The following ERMARD variants were observed in gnomAD, a reference collection of about 807,000 sequenced individuals.
ERMARD encodes the protein endoplasmic reticulum membrane-associated RNA degradation protein.
A neutral mutation model predicts 83.9 loss-of-function variants in ERMARD; 71 were observed. The ratio of observed to expected loss-of-function variants is 0.85; its 90% CI spans 0.70 to 1.03. The LOEUF (loss-of-function observed/expected upper bound fraction) is 1.03, where lower values mean the gene tolerates loss of function less well. Among genes scored for constraint, ERMARD ranks in the 50% least tolerant of loss-of-function variants. The pLI is 0.00. For synonymous variants in ERMARD, 284 were observed against 298.6 expected, an observed-to-expected ratio of 0.95 and a Z score of 0.50; for missense variants, 838 against 810.9, an observed-to-expected ratio of 1.03 and a Z score of -0.41.
At chr6:169,760,445 T>C (rs771883985) in intron 7 of ERMARD, among the ~76,000 whole-genome samples, 197 bp from the exon 8 acceptor site, 2 of 152,168 alleles carry the variant, frequency 1.3e-5, no homozygotes, top group Non-Finnish European at 2.9e-5. Context: ...GAGATGTCCA[T>C]GCCCCACTTT....
In ERMARD at chr6:169,776,612, C is replaced by G. The variant is rs1793630343; in HGVS notation, c.1678C>G (p.Gln560Glu). Residue 560 changes from glutamine (Q) to glutamate (E), a missense_variant, in exon 16 of 18, where the codon CAG becomes GAG. Transcript: ENST00000366773. ...CGTTGCCTCAGAGCTGAGACACAGGCAGTGGGTGGAAAGGACGCTGCGGTC... is the reference window on the plus strand; with the variant it reads ...CGTTGCCTCAGAGCTGAGACACAGGGAGTGGGTGGAAAGGACGCTGCGGTC... Reference protein sequence around the residue: ...VTVASELRHRQWVERTLRSRQ... With the variant: ...VTVASELRHREWVERTLRSRQ... 1 of 1,614,090 alleles carries G rather than the reference C, an allele frequency of 6.2e-7. No homozygotes were observed. Among genetic ancestry groups the G allele is most frequent in the Non-Finnish European group, 8.5e-7 (1 of 1,180,056 alleles).
rs1790852600 is a variant in ERMARD, at chr6:169,756,646, G to C, written c.418-73G>C. On this transcript the variant is annotated intron_variant, in intron 4 of 17. Coordinates refer to ENST00000366773, the MANE Select transcript of ERMARD (RefSeq NM_018341.3). ...TCACCCTTCATTTGTACAAACAGTT[G>C]CTTCATGGATAATGTTTTTAATGTT... 7 of 1,318,252 alleles carry C rather than the reference G, an allele frequency of 5.3e-6. No individual in the cohort carries two copies. The South Asian group carries it at 8.4e-5, about 16-fold the overall frequency. The allele number at this position is 1,318,252 out of a possible 1,614,324, so 81.7% of individuals were successfully genotyped here.
At chr6:169,756,283 G>T (rs1234158906) in intron 3 of ERMARD, 55 bp from the exon 4 acceptor site, 3 of 1,072,680 alleles carry the variant, frequency 2.8e-6, no homozygotes, top group East Asian at 2.6e-5. Context: ...TAATATTGTT[G>T]CTTTGAGAAG....
chr6:169,763,756 C>A (rs895184218), intron 9 of ERMARD, among the ~76,000 whole-genome samples: 1 of 152,330 alleles, frequency 6.6e-6, no homozygotes, highest in Non-Finnish European at 1.5e-5. Context: ...GGGGGAACAA[C>A]AATTAGAAAA....
intron 12 of ERMARD, among the ~76,000 whole-genome samples, 169 bp downstream of exon 12, chr6:169,769,882 A>G (rs1363637527): frequency 6.6e-6 from 1 of 152,250 alleles, no homozygotes; most frequent in African/African-American, 2.4e-5. Flanking sequence ...TATATTCTCT[A>G]TCACAGATCA....
intron 5 of ERMARD, among the ~76,000 whole-genome samples, chr6:169,757,161 A>C (rs1790918579): frequency 6.6e-6 from 1 of 152,178 alleles, no homozygotes; most frequent in Admixed American, 6.5e-5. Flanking sequence ...TCAAGTTGAG[A>C]TTTGGGTGGG....
intron 13 of ERMARD, among the ~76,000 whole-genome samples, chr6:169,773,783 T>C (rs1049430867): frequency 2.0e-5 from 3 of 152,222 alleles, no homozygotes; most frequent in African/African-American, 7.2e-5. Flanking sequence ...ACGGACTAGC[T>C]TTTGTTAACT....
chr6:169,755,564 GGCTATTAT>G, intron 3 of ERMARD, 142 bp downstream of exon 3: 1 of 1,009,034 alleles, frequency 9.9e-7, no homozygotes, highest in East Asian at 2.6e-5. Context: ...GAGAACCCTG[GGCTATTAT>G]GCAGGGTCTC....
At position 169,753,863 on chromosome 6, in the gene ERMARD, G is replaced by T; in HGVS notation, c.7-1G>T. 17 of 1,511,936 alleles carry T rather than the reference G, an allele frequency of 1.1e-5. No individual in the cohort carries two copies. Among genetic ancestry groups the T allele is most frequent in the Middle Eastern group, 1.8e-4 (1 of 5,450 alleles). 93.7% of individuals were successfully genotyped at this position (1,511,936 alleles called of 1,614,324 possible). Reference sequence around the variant, plus strand: ...GCCTTTTATTTTATTTTATTTTTTAGGTATTAATAGGGGACCCTATTACCA... The same window carrying T: ...GCCTTTTATTTTATTTTATTTTTTATGTATTAATAGGGGACCCTATTACCA... On this transcript the variant is annotated splice_acceptor_variant, in intron 1 of 17. Coordinates refer to ENST00000366773, the MANE Select transcript of ERMARD (RefSeq NM_018341.3). LOFTEE classifies it high-confidence loss of function.
Position 169,769,578 on chromosome 6 carries a change from C to T in ERMARD, c.1098C>T (p.Pro366=). Reference sequence around the variant, plus strand: ...ATTTCCTGAACCATCAGGAGGGTCCCCGCATAAGAGATCATTTAAGCCACG... The same window carrying T: ...ATTTCCTGAACCATCAGGAGGGTCCTCGCATAAGAGATCATTTAAGCCACG... The part of the protein sequence containing the change: ...LWDFLNHQEG[P]RIRDHLSHGE... Residue 366 remains proline, a synonymous_variant, in exon 12 of 18, where the codon CCC becomes CCT. Coordinates refer to ENST00000366773, the MANE Select transcript of ERMARD (RefSeq NM_018341.3). 2 of 1,611,784 alleles carry T rather than the reference C, an allele frequency of 1.2e-6. No homozygotes were observed. The highest frequency in any genetic ancestry group is 1.1e-5 in the South Asian group (1 of 90,258).
At chr6:169,761,406 G>A (rs1163183938) in intron 8 of ERMARD, among the ~76,000 whole-genome samples, 1 of 151,994 alleles carries the variant, frequency 6.6e-6, no homozygotes, top group Non-Finnish European at 1.5e-5. Context: ...TTCTAGAGAT[G>A]AGGTCTCAGT....
intron 12 of ERMARD, chr6:169,771,148 A>T (rs887939891): frequency 1.7e-4 from 25 of 148,146 alleles, no homozygotes; most frequent in African/African-American, 6.3e-4. Flanking sequence ...CAGTGGCGTG[A>T]TCTCAGCTCA....
intron 8 of ERMARD, among the ~76,000 whole-genome samples, chr6:169,761,687 T>TTGTTTTGTTTTGTTC (rs1479115637): frequency 1.3e-5 from 2 of 152,056 alleles, no homozygotes; most frequent in Non-Finnish European, 2.9e-5. Context: ...TTGTTTTGTT[T>TTGTTTTGTTTTGTTC]TGTTTTGTTT....
At chr6:169,767,994 AC>A in intron 10 of ERMARD, 108 bp from the exon 11 acceptor site, 1 of 822,260 alleles carries the variant, frequency 1.2e-6, no homozygotes, top group East Asian at 2.5e-5. Context: ...ATTTGCTTAG[AC>A]CTTAGATAAC....
intron 5 of ERMARD, among the ~76,000 whole-genome samples, chr6:169,758,568 A>G (rs1017585072): frequency 2.6e-5 from 4 of 152,232 alleles, no homozygotes; most frequent in Non-Finnish European, 4.4e-5. Flanking sequence ...TGCTTATCAT[A>G]TCATTGTCTT....
intron 12 of ERMARD, 97 bp from the exon 13 acceptor site, chr6:169,773,222 T>G: frequency 1.1e-6 from 1 of 931,150 alleles, no homozygotes; most frequent in Non-Finnish European, 1.7e-6. Context: ...TGAAGAAAGA[T>G]AATGAGAAAT....
In ERMARD at chr6:169,779,228, G is replaced by A; in HGVS notation, c.1786G>A (p.Ala596Thr). The change falls in exon 17 of 18, where the codon GCG (alanine) becomes ACG (threonine). Residue 596 changes from alanine (A) to threonine (T), a missense_variant. Coordinates refer to ENST00000366773, the MANE Select transcript of ERMARD (RefSeq NM_018341.3). The part of the protein sequence containing the change: ...PVLSLILLLI[A>T]LELVNIHAVC... ...GCTCAGCCTGATACTGTTACTCATT[G>A]CGCTGGAGTTGGTCAACATTCATGC... is the stretch of plus-strand genomic sequence containing the variant. The A allele has an allele frequency of 6.2e-7, 1 of 1,614,218 alleles. No homozygotes were observed. The highest frequency in any genetic ancestry group is 8.5e-7 in the Non-Finnish European group (1 of 1,180,042).
intron 9 of ERMARD, among the ~76,000 whole-genome samples, chr6:169,766,062 CA>C (rs1446491592): frequency 6.6e-6 from 1 of 151,848 alleles, no homozygotes. Context: ...CTGAAGTCCC[CA>C]AAAGCCTTTT....
chr6:169,763,554 C>T (rs1012824835), intron 9 of ERMARD, among the ~76,000 whole-genome samples: 1 of 152,228 alleles, frequency 6.6e-6, no homozygotes, highest in Non-Finnish European at 1.5e-5. Flanking sequence ...CAGCTTCCCA[C>T]GGGACGATCT....
Sources: gnomAD v4.1 joint callset for allele counts (sites outside exome capture counted in the v4.1 genomes callset) on GRCh38, gnomAD v4.1.1 for gene constraint, MANE v1.5 for transcripts, NCBI Gene and HGNC (gene_info 2026-07-23, HGNC 2026-07-21) for gene names.